The following ZNF260 variants were observed in gnomAD, a reference collection of about 807,000 sequenced individuals.
ZNF260 encodes the protein zinc finger protein 260, also known as zfp-260.
Under a neutral mutation model 29.3 loss-of-function variants are expected in ZNF260, and 21 were observed. That is an observed-to-expected ratio of 0.72 (90% CI 0.51 to 1.03). The LOEUF (loss-of-function observed/expected upper bound fraction) is 1.03. ZNF260 is among the 50% of genes least tolerant of loss of function. ZNF260 has a pLI of 0.00. For missense variants in ZNF260, 465 were observed against 487.8 expected (o/e 0.95, Z 0.44); for synonymous variants, 156 against 156.8 (o/e 0.99, Z 0.04).
At chr19:36,526,834 A>G (rs2034744088) in intron 1 of ZNF260, among the ~76,000 whole-genome samples, 1 of 152,258 alleles carries the variant, frequency 6.6e-6, no homozygotes, top group Non-Finnish European at 1.5e-5. Flanking sequence ...TTCAGCAAAC[A>G]TATACATTTA....
chr19:36,528,197 A>C (rs2034768178), intron 1 of ZNF260, 22 bp downstream of exon 1: 1 of 152,432 alleles, frequency 6.6e-6, no homozygotes, highest in South Asian at 2.1e-4. Flanking sequence ...CCCAAGTCCC[A>C]CAGGGCCGAA....
At chr19:36,526,865 C>T (rs1427374712) in intron 1 of ZNF260, among the ~76,000 whole-genome samples, 1 of 152,140 alleles carries the variant, frequency 6.6e-6, no homozygotes, top group Non-Finnish European at 1.5e-5. Context: ...TGCTGAGAAA[C>T]CTTGGTTTAC....
chr19:36,517,015 C>G (rs1033207388), intron 2 of ZNF260, among the ~76,000 whole-genome samples: 12 of 152,204 alleles, frequency 7.9e-5, no homozygotes, highest in African/African-American at 2.9e-4. Flanking sequence ...ATTTCTATGT[C>G]TTCCCGAAAC....
intron 2 of ZNF260, among the ~76,000 whole-genome samples, chr19:36,517,870 G>A (rs2034577951): frequency 6.8e-6 from 1 of 148,088 alleles, no homozygotes; most frequent in Non-Finnish European, 1.5e-5. Context: ...GTCTCGCTCT[G>A]TTGCCCAGGC....
rs17238977 is a variant in ZNF260, at chr19:36,513,835, T to A, written c.*165A>T. The A allele has an allele frequency of 0.2, 149,945 of 734,656 alleles. 15,809 individuals carry two copies. Among genetic ancestry groups the A allele is most frequent in the Non-Finnish European group, 0.22 (103,339 of 462,536 alleles). The allele number at this position is 734,656 out of a possible 1,614,324, so 45.5% of individuals were successfully genotyped here. A position where few individuals can be genotyped will look rare whatever the true frequency, so the allele number is the denominator to read the frequency against. Reference sequence around the variant, plus strand: ...GGGAGTTTTGGGGGTACGGGTTTTCTTTACACTATAATACTTATTAAACAT... The same window carrying A: ...GGGAGTTTTGGGGGTACGGGTTTTCATTACACTATAATACTTATTAAACAT... On this transcript the variant is annotated 3_prime_UTR_variant, in exon 3 of 3. Transcript: ENST00000523638.
At chr19:36,525,421 T>C (rs893444373) in intron 1 of ZNF260, 48 bp from the exon 2 acceptor site, 7 of 152,208 alleles carry the variant, frequency 4.6e-5, no homozygotes, top group African/African-American at 1.7e-4. Context: ...TTGACCTACA[T>C]GTGAGCAAAT....
chr19:36,527,667 GT>G (rs1480838898), intron 1 of ZNF260, among the ~76,000 whole-genome samples: 1 of 152,022 alleles, frequency 6.6e-6, no homozygotes. Flanking sequence ...CTGCACCAAA[GT>G]TTCTCCAAAG....
chr19:36,520,608 T>C (rs1259172234), intron 2 of ZNF260, among the ~76,000 whole-genome samples: 2 of 152,030 alleles, frequency 1.3e-5, no homozygotes, highest in East Asian at 3.9e-4. Context: ...AGACCAGCAC[T>C]TTGGGAGGCC....
At chr19:36,518,293 A>G (rs1444033649) in intron 2 of ZNF260, 1 of 152,184 alleles carries the variant, frequency 6.6e-6, no homozygotes, top group Non-Finnish European at 1.5e-5. Context: ...AGAGCTAAAG[A>G]TCAGAAAACA....
At chr19:36,519,101 C>T (rs924838213) in intron 2 of ZNF260, among the ~76,000 whole-genome samples, 1 of 151,926 alleles carries the variant, frequency 6.6e-6, no homozygotes, top group African/African-American at 2.4e-5. Flanking sequence ...AAAAGACATA[C>T]CACATCAAAA....
intron 1 of ZNF260, among the ~76,000 whole-genome samples, chr19:36,527,011 A>T (rs1166290835): frequency 6.6e-6 from 1 of 152,242 alleles, no homozygotes; most frequent in Admixed American, 6.5e-5. Flanking sequence ...AGATGGAGGC[A>T]GACTGCAGGA....
intron 2 of ZNF260, among the ~76,000 whole-genome samples, chr19:36,524,458 C>T (rs971279634): frequency 5.3e-5 from 8 of 151,294 alleles, no homozygotes; most frequent in South Asian, 2.1e-4. Flanking sequence ...GGATTACAGG[C>T]GTGAGCCACC....
At chr19:36,521,697 T>G (rs1423308896) in intron 2 of ZNF260, among the ~76,000 whole-genome samples, 1 of 151,718 alleles carries the variant, frequency 6.6e-6, no homozygotes, top group Non-Finnish European at 1.5e-5. Flanking sequence ...GACATTGTAG[T>G]GAGCCAAGAT....
intron 2 of ZNF260, among the ~76,000 whole-genome samples, chr19:36,520,859 CAAAAAAAAAAA>C (rs35180207): frequency 3.0e-5 from 2 of 65,916 alleles, no homozygotes; most frequent in Non-Finnish European, 5.6e-5. Flanking sequence ...GATTCCGTCT[CAAAAAAAAAAA>C]AAAAAAAAAA....
intron 2 of ZNF260, among the ~76,000 whole-genome samples, chr19:36,516,637 G>A (rs2034555116): frequency 6.6e-6 from 1 of 152,122 alleles, no homozygotes; most frequent in South Asian, 2.1e-4. Flanking sequence ...GGAGCGCAGT[G>A]GCATGATCTC....
intron 2 of ZNF260, among the ~76,000 whole-genome samples, chr19:36,522,456 C>G (rs930987380): frequency 1.3e-5 from 2 of 150,878 alleles, no homozygotes; most frequent in Non-Finnish European, 3.0e-5. Context: ...AACTCCATCT[C>G]AAAAAATAAA....
At position 36,515,073 on chromosome 19, in the gene ZNF260, C is replaced by A; in HGVS notation, c.166G>T (p.Glu56Ter). ...KKMHTGEKSH[E>*]CTECGKVCSR... ...CACACTTTACCACATTCAGTGCATT[C>A]ATGAGATTTCTCTCCAGTATGCATT... The change falls in exon 3 of 3, where the codon GAA becomes TAA. Residue 56 changes from glutamate to a stop codon, truncating the protein, a stop_gained. Transcript: ENST00000523638. LOFTEE classifies it high-confidence loss of function. 1 of 1,614,102 alleles carries A rather than the reference C, an allele frequency of 6.2e-7. No homozygotes were observed. The highest frequency in any genetic ancestry group is 1.3e-5 in the African/African-American group (1 of 75,056).
intron 1 of ZNF260, among the ~76,000 whole-genome samples, chr19:36,525,575 T>A (rs2034720324): frequency 6.6e-6 from 1 of 152,044 alleles, no homozygotes; most frequent in Non-Finnish European, 1.5e-5. Flanking sequence ...TCACTTGAGA[T>A]TAGGAGTTCG....
In ZNF260 at chr19:36,514,243, A is replaced by G. The variant is rs754191663; in HGVS notation, c.996T>C (p.Tyr332=). ...AGGCTTTCCCACAGACCTTACACTC[A>G]TAAGGCTTATCACCTGTATGAATTC... is the stretch of plus-strand genomic sequence containing the variant. ...HVRIHTGDKP[Y]ECKVCGKAFC... is the part of the protein sequence containing the mutation. The change falls in exon 3 of 3, where the codon TAT becomes TAC. Residue 332 remains tyrosine, a synonymous_variant. Transcript: ENST00000523638. 1.9e-5 allele frequency: 31 copies of G among 1,614,058 alleles called. No individual in the cohort carries two copies. The highest frequency in any genetic ancestry group is 2.5e-5 in the Non-Finnish European group (30 of 1,180,024).
Sources: allele counts gnomAD v4.1 joint callset (sites outside exome capture counted in the v4.1 genomes callset), GRCh38; gene constraint gnomAD v4.1.1; transcripts MANE v1.5; gene names NCBI Gene and HGNC (gene_info 2026-07-23, HGNC 2026-07-21).